The following STON1 variants were observed in gnomAD, a reference collection of about 807,000 sequenced individuals.
STON1 encodes the protein stonin 1, also known as stonin-1.
A neutral mutation model predicts 60.9 loss-of-function variants in STON1; 79 were observed. The observed-to-expected ratio is 1.30, with a 90% CI of 1.08 to 1.56. STON1 has a LOEUF of 1.56. STON1 is among the 40% of genes most tolerant of loss of function. STON1 has a pLI of 0.00. For synonymous variants in STON1, 363 were observed against 306.9 expected, an observed-to-expected ratio of 1.18 and a Z score of -1.91; for missense variants, 1,166 against 858.9, an observed-to-expected ratio of 1.36 and a Z score of -4.47.
Position 48,545,113 on chromosome 2 carries a change from G to GA in STON1, c.-48+14903dup, listed in dbSNP as rs542490135. On this transcript the variant is annotated intron_variant, in intron 1 of 3. Coordinates refer to ENST00000404752, the MANE Select transcript of STON1 (RefSeq NM_006873.4). Reference sequence around the variant, plus strand: ...GGTGGTCAGGTGCTCCTGATTTTCAGAAAAAATTACCTTGTTTAAAAAAAT... The same window carrying GA: ...GGTGGTCAGGTGCTCCTGATTTTCAGAAAAAAATTACCTTGTTTAAAAAAAT... Among the ~76,000 whole-genome samples, 650 of 152,178 alleles carry GA rather than the reference G, an allele frequency of 4.3e-3. 6 individuals carry two copies. The highest frequency in any genetic ancestry group is 6.8e-3 in the Non-Finnish European group (460 of 67,988).
At chr2:48,545,954 T>G (rs909339721) in intron 1 of STON1, among the ~76,000 whole-genome samples, 1 of 152,230 alleles carries the variant, frequency 6.6e-6, no homozygotes, top group Non-Finnish European at 1.5e-5. Context: ...CTGCAAAGCT[T>G]TGGGGAAATT....
At chr2:48,586,575 C>T (rs1674219403) in intron 2 of STON1, among the ~76,000 whole-genome samples, 1 of 152,144 alleles carries the variant, frequency 6.6e-6, no homozygotes, top group African/African-American at 2.4e-5. Flanking sequence ...AAGAAAGAAA[C>T]AGCAGAACCA....
intron 1 of STON1, among the ~76,000 whole-genome samples, chr2:48,542,971 CTTTTTT>C (rs761874001): frequency 9.5e-6 from 1 of 105,494 alleles, no homozygotes; most frequent in East Asian, 3.0e-4. Flanking sequence ...AATATCTTGA[CTTTTTT>C]TTTTTTTTTT....
At chr2:48,575,349 C>G (rs571775237) in intron 1 of STON1, among the ~76,000 whole-genome samples, 5 of 152,028 alleles carry the variant, frequency 3.3e-5, no homozygotes, top group South Asian at 4.2e-4. Flanking sequence ...TTTTCAAGAC[C>G]CTGTTTTAAA....
Position 48,595,344 on chromosome 2 carries a change from GTA to G in STON1, c.*43_*44del. ...TGATGACAGCCCACTTGTCAAATAT[GTA>G]ATTCACCGAAACCACACCAAGTCCT... On this transcript the variant is annotated 3_prime_UTR_variant, in exon 4 of 4. Transcript: ENST00000404752. 6.5e-7 allele frequency: 1 copy of G among 1,546,732 alleles called. No homozygotes were observed. Among genetic ancestry groups the G allele is most frequent in the Non-Finnish European group, 8.9e-7 (1 of 1,120,794 alleles).
At chr2:48,576,184 T>TC (rs1673485786) in intron 1 of STON1, among the ~76,000 whole-genome samples, 1 of 125,480 alleles carries the variant, frequency 8.0e-6, no homozygotes, top group Admixed American at 9.9e-5. Context: ...TGTTTTCCTT[T>TC]CTTTTTTTTT....
intron 2 of STON1, among the ~76,000 whole-genome samples, chr2:48,584,449 G>A (rs1674081128): frequency 6.6e-6 from 1 of 151,982 alleles, no homozygotes; most frequent in Non-Finnish European, 1.5e-5. Flanking sequence ...TTTATTTTTA[G>A]TAGAGACGGG....
At chr2:48,583,998 C>T (rs1286804126) in intron 2 of STON1, among the ~76,000 whole-genome samples, 1 of 152,078 alleles carries the variant, frequency 6.6e-6, no homozygotes, top group African/African-American at 2.4e-5. Context: ...ATCCTCCCAC[C>T]TCGGCCTCCC....
chr2:48,532,909 A>G (rs1211450508), intron 1 of STON1, among the ~76,000 whole-genome samples: 1 of 152,204 alleles, frequency 6.6e-6, no homozygotes, highest in African/African-American at 2.4e-5. Flanking sequence ...GTGGTTAAGA[A>G]GCAAAATGAT....
At chr2:48,546,974 G>C (rs1671887601) in intron 1 of STON1, among the ~76,000 whole-genome samples, 1 of 152,190 alleles carries the variant, frequency 6.6e-6, no homozygotes, top group Non-Finnish European at 1.5e-5. Context: ...TATTTACAAA[G>C]CACATAGTAG....
At chr2:48,550,127 C>T (rs1354598047) in intron 1 of STON1, among the ~76,000 whole-genome samples, 1 of 152,020 alleles carries the variant, frequency 6.6e-6, no homozygotes, top group Non-Finnish European at 1.5e-5. Flanking sequence ...ACATGGGAGT[C>T]TTGTCAGAAT....
At chr2:48,532,169 G>A (rs1671237710) in intron 1 of STON1, among the ~76,000 whole-genome samples, 1 of 151,948 alleles carries the variant, frequency 6.6e-6, no homozygotes, top group Non-Finnish European at 1.5e-5. Flanking sequence ...CCAACCTGAT[G>A]AAACCCCGTC....
At chr2:48,588,410 G>A (rs1361401039) in intron 2 of STON1, among the ~76,000 whole-genome samples, 1 of 152,186 alleles carries the variant, frequency 6.6e-6, no homozygotes, top group Non-Finnish European at 1.5e-5. Flanking sequence ...GAGTGCAGTG[G>A]CGAGGTCTCA....
intron 2 of STON1, among the ~76,000 whole-genome samples, chr2:48,590,517 T>G (rs1032061717): frequency 7.2e-5 from 11 of 152,276 alleles, no homozygotes; most frequent in African/African-American, 2.6e-4. Flanking sequence ...TCTCATACAT[T>G]TATTTAAGTA....
chr2:48,561,210 C>T (rs1672595955), intron 1 of STON1, among the ~76,000 whole-genome samples: 1 of 152,196 alleles, frequency 6.6e-6, no homozygotes, highest in African/African-American at 2.4e-5. Context: ...TCAGACCTGA[C>T]CAATGTGCAT....
intron 1 of STON1, among the ~76,000 whole-genome samples, chr2:48,575,917 C>G (rs1391298522): frequency 4.6e-5 from 7 of 151,368 alleles, no homozygotes; most frequent in Non-Finnish European, 8.8e-5. Flanking sequence ...CGCCACCACG[C>G]CTGGCTAATT....
intron 1 of STON1, among the ~76,000 whole-genome samples, chr2:48,576,185 CT>C (rs34849002): frequency 0.27 from 16,805 of 62,642 alleles, 432 homozygotes; most frequent in African/African-American, 0.35. Flanking sequence ...GTTTTCCTTT[CT>C]TTTTTTTTTT....
At chr2:48,550,063 T>C (rs1672035315) in intron 1 of STON1, among the ~76,000 whole-genome samples, 1 of 151,966 alleles carries the variant, frequency 6.6e-6, no homozygotes, top group African/African-American at 2.4e-5. Context: ...TTCTGGGATC[T>C]AGTAGATGCT....
At chr2:48,570,908 G>A (rs926680337) in intron 1 of STON1, among the ~76,000 whole-genome samples, 11 of 133,996 alleles carry the variant, frequency 8.2e-5, no homozygotes, top group African/African-American at 3.2e-4. Context: ...TATCCCCCAG[G>A]CTGGAGTGCA....
Sources: gnomAD v4.1 joint callset for allele counts (sites outside exome capture counted in the v4.1 genomes callset) on GRCh38, gnomAD v4.1.1 for gene constraint, MANE v1.5 for transcripts, NCBI Gene and HGNC (gene_info 2026-07-23, HGNC 2026-07-21) for gene names.